LUZP2: variants seen among roughly 807,000 people sequenced by gnomAD.
The protein encoded by LUZP2 is leucine zipper protein 2.
A neutral mutation model predicts 51.6 loss-of-function variants in LUZP2; 52 were observed. The observed-to-expected ratio is 1.01, with a 90% CI of 0.81 to 1.27. LUZP2 has a LOEUF of 1.27. LUZP2 is among the 50% of genes most tolerant of loss of function. LUZP2 has a pLI of 0.00. For missense variants in LUZP2, 436 were observed against 395.4 expected (o/e 1.10, Z -0.87); for synonymous variants, 154 against 137.3 (o/e 1.12, Z -0.85).
At chr11:24,612,336 G>T (rs964120270) in intron 1 of LUZP2, among the ~76,000 whole-genome samples, 1 of 152,088 alleles carries the variant, frequency 6.6e-6, no homozygotes, top group African/African-American at 2.4e-5. Flanking sequence ...TTAAATATTT[G>T]TGGTAGAGGA....
rs148940217 is a variant in LUZP2 at position 24,935,278 on chromosome 11, A to C, written c.522+20740A>C. Among the ~76,000 whole-genome samples, 571 of 152,282 alleles carry C rather than the reference A, an allele frequency of 3.7e-3. 3 individuals carry two copies. The highest frequency in any genetic ancestry group is 0.013 in the African/African-American group (538 of 41,564). Reference sequence around the variant, plus strand: ...AGTTGATCTGCATATTTCCTTGCTTAAAGTAAATATTGAACAGTGATGCAA... The same window carrying C: ...AGTTGATCTGCATATTTCCTTGCTTCAAGTAAATATTGAACAGTGATGCAA... On this transcript the variant is annotated intron_variant, in intron 7 of 11. Coordinates refer to ENST00000336930, the MANE Select transcript of LUZP2 (RefSeq NM_001009909.4).
At chr11:24,645,226 C>A (rs1168902813) in intron 1 of LUZP2, among the ~76,000 whole-genome samples, 1 of 152,102 alleles carries the variant, frequency 6.6e-6, no homozygotes. Context: ...GCAATACAGT[C>A]AGGTCTTTAA....
intron 1 of LUZP2, among the ~76,000 whole-genome samples, chr11:24,711,259 C>T (rs1857808447): frequency 2.8e-5 from 4 of 141,168 alleles, no homozygotes; most frequent in South Asian, 2.2e-4. Context: ...ACCATCCTGG[C>T]TAACACGGTG....
chr11:24,540,564 C>A (rs1260024767), intron 1 of LUZP2, among the ~76,000 whole-genome samples: 1 of 152,122 alleles, frequency 6.6e-6, no homozygotes, highest in Non-Finnish European at 1.5e-5. Flanking sequence ...CACCCAGCAT[C>A]CAGAAGTGTG....
intron 5 of LUZP2, among the ~76,000 whole-genome samples, chr11:24,769,747 C>G (rs189181303): frequency 6.7e-6 from 1 of 148,710 alleles, no homozygotes; most frequent in Non-Finnish European, 1.5e-5. Flanking sequence ...CATTCGATAG[C>G]TCAAGGTAAG....
chr11:24,814,231 T>G lies in LUZP2; in HGVS notation c.396+50923T>G, dbSNP rs12281109. 2.4e-3 allele frequency among the ~76,000 whole-genome samples: 371 copies of G among 152,328 alleles called. 2 individuals carry two copies. Among genetic ancestry groups the G allele is most frequent in the African/African-American group, 8.5e-3 (354 of 41,574 alleles). On this transcript the variant is annotated intron_variant, in intron 5 of 11. Transcript: ENST00000336930. Reference sequence around the variant, plus strand: ...AATAATTCTGACACATAGTAGAAGTTGTTTATGTGTCTGCCTTGTTCACTG... The same window carrying G: ...AATAATTCTGACACATAGTAGAAGTGGTTTATGTGTCTGCCTTGTTCACTG...
At position 25,019,657 on chromosome 11, in the gene LUZP2, T is replaced by G. The variant is rs1209974117; in HGVS notation, c.766-30381T>G. Among the ~76,000 whole-genome samples the G allele has an allele frequency of 2.0e-5, 3 of 152,144 alleles. No homozygotes were observed. In the South Asian group the frequency reaches 6.2e-4, roughly 32 times the overall value. On this transcript the variant is annotated intron_variant, in intron 9 of 11. Transcript: ENST00000336930. ...CCGTTCAACTCAATAGCATTTAATATAGAACTTTTACTAGCAGAATAGATG... is the reference window on the plus strand; with the variant it reads ...CCGTTCAACTCAATAGCATTTAATAGAGAACTTTTACTAGCAGAATAGATG...
At chr11:24,510,563 G>T (rs1348349651) in intron 1 of LUZP2, among the ~76,000 whole-genome samples, 1 of 152,236 alleles carries the variant, frequency 6.6e-6, no homozygotes, top group East Asian at 1.9e-4. Flanking sequence ...GGGCTGGCTG[G>T]TTCTCCATGG....
At chr11:24,816,850 T>A (rs906212782) in intron 5 of LUZP2, among the ~76,000 whole-genome samples, 3 of 152,118 alleles carry the variant, frequency 2.0e-5, no homozygotes, top group Non-Finnish European at 4.4e-5. Context: ...TTTCACATTC[T>A]TTTTCTGGGC....
intron 7 of LUZP2, among the ~76,000 whole-genome samples, chr11:24,927,969 AT>A (rs1243049278): frequency 6.6e-6 from 1 of 151,952 alleles, no homozygotes; most frequent in Non-Finnish European, 1.5e-5. Flanking sequence ...GGTTAGGTAT[AT>A]TCCTATGTAT....
intron 1 of LUZP2, among the ~76,000 whole-genome samples, chr11:24,557,336 A>G (rs1851901514): frequency 6.8e-6 from 1 of 147,768 alleles, no homozygotes; most frequent in Non-Finnish European, 1.5e-5. Context: ...AATTAATAGA[A>G]TGTAAATATA....
intron 1 of LUZP2, among the ~76,000 whole-genome samples, chr11:24,645,075 T>C (rs1855423788): frequency 6.6e-6 from 1 of 152,218 alleles, no homozygotes. Flanking sequence ...CCAATCCTGT[T>C]TACGTAAAAT....
intron 1 of LUZP2, among the ~76,000 whole-genome samples, chr11:24,566,919 GTATATAT>G (rs1852257757): frequency 1.4e-5 from 2 of 141,906 alleles, no homozygotes; most frequent in African/African-American, 5.2e-5. Context: ...ATATATATAT[GTATATAT>G]GTATATATAT....
chr11:24,636,408 A>T (rs1204735023), intron 1 of LUZP2, among the ~76,000 whole-genome samples: 1 of 152,186 alleles, frequency 6.6e-6, no homozygotes, highest in East Asian at 1.9e-4. Context: ...TGGATTCTGA[A>T]CCTAGACTGC....
At chr11:24,609,217 A>G (rs1253646208) in intron 1 of LUZP2, among the ~76,000 whole-genome samples, 1 of 152,138 alleles carries the variant, frequency 6.6e-6, no homozygotes, top group Non-Finnish European at 1.5e-5. Flanking sequence ...GTGCTACCTT[A>G]CCAGCCTACT....
At chr11:24,589,413 A>G (rs1853184849) in intron 1 of LUZP2, among the ~76,000 whole-genome samples, 1 of 152,198 alleles carries the variant, frequency 6.6e-6, no homozygotes, top group African/African-American at 2.4e-5. Context: ...AAGAGGGTTG[A>G]ACTAGATATT....
At position 24,497,316 on chromosome 11, in the gene LUZP2, G is replaced by T. The variant is rs997021078; in HGVS notation, c.62+11G>T. ...GGTCCTCAGCACCAGGTGAGTCCAG[G>T]AGCGTGAGTGACCTGAGGCCAGGGG... is the stretch of plus-strand genomic sequence containing the variant. On this transcript the variant is annotated intron_variant, in intron 1 of 11. Coordinates refer to ENST00000336930, the MANE Select transcript of LUZP2 (RefSeq NM_001009909.4). 1 of 1,525,638 alleles carries T rather than the reference G, an allele frequency of 6.6e-7. No homozygotes were observed. The highest frequency in any genetic ancestry group is 1.9e-5 in the Admixed American group (1 of 51,976). 94.5% of individuals were successfully genotyped at this position (1,525,638 alleles called of 1,614,324 possible). A position where few individuals can be genotyped will look rare whatever the true frequency, so the allele number is the denominator to read the frequency against.
At chr11:24,749,501 G>A (rs1246414062) in intron 4 of LUZP2, among the ~76,000 whole-genome samples, 1 of 152,080 alleles carries the variant, frequency 6.6e-6, no homozygotes, top group Non-Finnish European at 1.5e-5. Flanking sequence ...TTTAGTCTGT[G>A]GACTGGGGGA....
chr11:25,069,978 T>G (rs1162051514), intron 10 of LUZP2, among the ~76,000 whole-genome samples: 1 of 151,912 alleles, frequency 6.6e-6, no homozygotes, highest in Non-Finnish European at 1.5e-5. Flanking sequence ...ACATGAGCAT[T>G]AACAGTTCTA....
Sources: allele counts gnomAD v4.1 joint callset (sites outside exome capture counted in the v4.1 genomes callset), GRCh38; gene constraint gnomAD v4.1.1; transcripts MANE v1.5; gene names NCBI Gene and HGNC (gene_info 2026-07-23, HGNC 2026-07-21).